The following ENTPD1 variants were observed in gnomAD, a reference collection of about 807,000 sequenced individuals.
ENTPD1 encodes the protein ATP diphosphohydrolase.
A neutral mutation model predicts 57.0 loss-of-function variants in ENTPD1; 33 were observed. The ratio of observed to expected loss-of-function variants is 0.58; its 90% CI spans 0.44 to 0.77. The LOEUF (loss-of-function observed/expected upper bound fraction) is 0.77, where lower values mean the gene tolerates loss of function less well. Among genes scored for constraint, ENTPD1 ranks in the 30% least tolerant of loss-of-function variants. The pLI is 0.00. For synonymous variants in ENTPD1, 202 were observed against 218.8 expected, an observed-to-expected ratio of 0.92 and a Z score of 0.68; for missense variants, 501 against 603.4, an observed-to-expected ratio of 0.83 and a Z score of 1.78.
intron 7 of ENTPD1, among the ~76,000 whole-genome samples, chr10:95,855,220 T>C (rs1196834552): frequency 4.6e-5 from 7 of 152,170 alleles, no homozygotes; most frequent in Admixed American, 3.3e-4. Flanking sequence ...TTGATCTTTG[T>C]TGGTTTAAAG....
At chr10:95,740,843 T>C (rs759114995) in intron 1 of ENTPD1, among the ~76,000 whole-genome samples, 1 of 152,252 alleles carries the variant, frequency 6.6e-6, no homozygotes, top group Non-Finnish European at 1.5e-5. Context: ...TTCTGACTTT[T>C]CTTCTGCAGC....
chr10:95,839,629 C>A, intron 2 of ENTPD1, 62 bp from the exon 3 acceptor site: 1 of 1,549,432 alleles, frequency 6.5e-7, no homozygotes, highest in Non-Finnish European at 8.9e-7. Flanking sequence ...CTTTCTTTTG[C>A]AAGCCTAATA....
At chr10:95,849,250 CATT>C (rs2098440788) in intron 7 of ENTPD1, among the ~76,000 whole-genome samples, 1 of 152,156 alleles carries the variant, frequency 6.6e-6, no homozygotes, top group African/African-American at 2.4e-5. Flanking sequence ...AGAGGCTGAG[CATT>C]ATTATAATCA....
chr10:95,839,319 ACAAG>A, intron 2 of ENTPD1: 1 of 302,614 alleles, frequency 3.3e-6, no homozygotes, highest in South Asian at 3.3e-5. Context: ...CAATGTGTAG[ACAAG>A]TTTGGGGACT....
chr10:95,823,677 A>G (rs1167200639), intron 2 of ENTPD1, among the ~76,000 whole-genome samples: 2 of 152,202 alleles, frequency 1.3e-5, no homozygotes, highest in African/African-American at 4.8e-5. Flanking sequence ...CTATGCCAAG[A>G]TTCTATATTC....
chr10:95,719,177 C>T (rs930788412), intron 1 of ENTPD1, among the ~76,000 whole-genome samples: 4 of 152,222 alleles, frequency 2.6e-5, no homozygotes, highest in African/African-American at 9.6e-5. Flanking sequence ...ACATCAATTT[C>T]CTTACTTAGG....
At chr10:95,822,744 A>G (rs902591178) in intron 1 of ENTPD1, among the ~76,000 whole-genome samples, 1 of 152,222 alleles carries the variant, frequency 6.6e-6, no homozygotes, top group Non-Finnish European at 1.5e-5. Context: ...ATTGCTTACT[A>G]TGTAAGGGTG....
Position 95,809,919 on chromosome 10 carries a change from C to T in ENTPD1, c.17-13318C>T, listed in dbSNP as rs186142787. ...CTCACTTCCCAGACGGGGCAGCTGC[C>T]GGGCAGAGGTGCTCCTCACTTCTCA... is the stretch of plus-strand genomic sequence containing the variant. On this transcript the variant is annotated intron_variant, in intron 1 of 9. Coordinates refer to ENST00000371205, the MANE Select transcript of ENTPD1 (RefSeq NM_001776.6). Among the ~76,000 whole-genome samples the T allele has an allele frequency of 3.2e-3, 447 of 139,220 alleles. 8 individuals are homozygous for T. Among genetic ancestry groups the T allele is most frequent in the African/African-American group, 0.011 (393 of 36,712 alleles). The allele number at this position is 139,220 out of a possible 152,430, so 91.3% of individuals were successfully genotyped here.
chr10:95,783,463 AAC>A (rs1449234544), intron 1 of ENTPD1, among the ~76,000 whole-genome samples: 1 of 152,222 alleles, frequency 6.6e-6, no homozygotes, highest in Non-Finnish European at 1.5e-5. Flanking sequence ...CTTCAGAGCA[AAC>A]ACGCACTCTT....
chr10:95,718,809 G>T (rs1219539591), intron 1 of ENTPD1, among the ~76,000 whole-genome samples: 1 of 152,138 alleles, frequency 6.6e-6, no homozygotes, highest in Non-Finnish European at 1.5e-5. Context: ...TAGTATACAA[G>T]TTGAGGTTGG....
intron 2 of ENTPD1, among the ~76,000 whole-genome samples, chr10:95,833,236 C>T (rs945849897): frequency 6.6e-6 from 1 of 152,058 alleles, no homozygotes; most frequent in African/African-American, 2.4e-5. Context: ...TCCTTAATAC[C>T]ACAAAACTGC....
intron 1 of ENTPD1, among the ~76,000 whole-genome samples, chr10:95,733,297 C>T (rs2139855189): frequency 6.6e-6 from 1 of 152,316 alleles, no homozygotes; most frequent in East Asian, 1.9e-4. Context: ...ATGGTTATCG[C>T]CCTTGTTCCA....
chr10:95,870,405 C>A lies in ENTPD1; in HGVS notation c.*4022C>A. On this transcript the variant is annotated 3_prime_UTR_variant, in exon 10 of 10. Transcript: ENST00000371205. ...GCTCAAGCAAGGCTACAGGTGTGCA[C>A]CTAAGTAGCTAGGACTACAGGTGTG... is the stretch of plus-strand genomic sequence containing the variant. 4.1e-6 allele frequency: 3 copies of A among 732,274 alleles called. No individual in the cohort carries two copies. Among genetic ancestry groups the A allele is most frequent in the Non-Finnish European group, 5.0e-6 (3 of 599,202 alleles). The allele number at this position is 732,274 out of a possible 1,614,324, so 45.4% of individuals were successfully genotyped here. A position where few individuals can be genotyped will look rare whatever the true frequency, so the allele number is the denominator to read the frequency against.
At chr10:95,737,184 A>T (rs745398790) in intron 1 of ENTPD1, among the ~76,000 whole-genome samples, 6 of 152,276 alleles carry the variant, frequency 3.9e-5, no homozygotes, top group Admixed American at 1.3e-4. Context: ...TCAGTGCAGG[A>T]CAAAACAGAA....
intron 1 of ENTPD1, among the ~76,000 whole-genome samples, chr10:95,733,876 A>G (rs2097991819): frequency 6.6e-6 from 1 of 152,194 alleles, no homozygotes; most frequent in Admixed American, 6.5e-5. Context: ...CTAAAGCAAT[A>G]AGGTAATAGG....
rs570674138 is a variant in ENTPD1, at chr10:95,742,774, T to C, written c.37+30781T>C. ...GTCGTCATTAAAGCAGTTACTTTAA[T>C]AAAGATGGGCTTCACAAGGGGTTTC... On this transcript the variant is annotated intron_variant, in intron 1 of 9. Transcript: ENST00000453258. Among the ~76,000 whole-genome samples the C allele has an allele frequency of 1.4e-4, 21 of 152,340 alleles. No homozygotes were observed. In the South Asian group the frequency reaches 3.9e-3, roughly 29 times the overall value.
At chr10:95,707,347 G>C (rs550808240), upstream of ENTPD1, among the ~76,000 whole-genome samples, 2 of 152,252 alleles carry the variant, frequency 1.3e-5, no homozygotes, top group South Asian at 2.1e-4. Context: ...GCCACAGTTT[G>C]GGGGGGCTGC....
intron 1 of ENTPD1, among the ~76,000 whole-genome samples, chr10:95,780,238 T>C (rs558354014): frequency 3.3e-4 from 50 of 152,332 alleles, no homozygotes; most frequent in African/African-American, 9.6e-4. Flanking sequence ...CTATTCACAA[T>C]AGCTAAGATT....
intron 1 of ENTPD1, among the ~76,000 whole-genome samples, chr10:95,722,148 G>A (rs927016718): frequency 2.0e-5 from 3 of 151,860 alleles, no homozygotes; most frequent in Non-Finnish European, 4.4e-5. Flanking sequence ...AAAACAGCTC[G>A]AACATTTCAG....
Sources: allele counts gnomAD v4.1 joint callset (sites outside exome capture counted in the v4.1 genomes callset), GRCh38; gene constraint gnomAD v4.1.1; transcripts MANE v1.5; gene names NCBI Gene and HGNC (gene_info 2026-07-23, HGNC 2026-07-21).